The following SLC34A2 variants were observed in gnomAD, a reference collection of about 807,000 sequenced individuals.
The protein encoded by SLC34A2 is solute carrier family 34 member 2.
In SLC34A2, 41 loss-of-function variants were observed where a neutral mutation model predicts 50.8. That is an observed-to-expected ratio of 0.81 (90% CI 0.63 to 1.05). The LOEUF (loss-of-function observed/expected upper bound fraction) is 1.05. Among genes scored for constraint, SLC34A2 ranks in the 50% least tolerant of loss-of-function variants. The probability of loss-of-function intolerance (pLI) is 0.00; values close to 1 mark genes in which losing one functional copy is unlikely to be tolerated. For synonymous variants in SLC34A2, 401 were observed against 364.2 expected (o/e 1.10, Z -1.15); for missense variants, 879 against 876.7 (o/e 1.00, Z -0.03).
chr4:25,662,676 T>G (rs756576632), intron 2 of SLC34A2, 29 bp from the exon 3 acceptor site: 1 of 1,614,100 alleles, frequency 6.2e-7, no homozygotes, highest in Non-Finnish European at 8.5e-7. Context: ...TCAGGTCTGA[T>G]TCCTCATTAC....
Position 25,677,745 on chromosome 4 carries a change from T to C in SLC34A2, c.*996T>C, listed in dbSNP as rs867333301. ...GGAGTATCTGCACCTGGAATAGCTC[T>C]CCACCCCTCTCTGCCTCCTTACTTT... On this transcript the variant is annotated 3_prime_UTR_variant, in exon 13 of 13. Coordinates refer to ENST00000382051, the MANE Select transcript of SLC34A2 (RefSeq NM_006424.3). The C allele has an allele frequency of 6.6e-6, 1 of 152,218 alleles. No homozygotes were observed. Among genetic ancestry groups the C allele is most frequent in the Non-Finnish European group, 1.5e-5 (1 of 68,062 alleles). The allele number at this position is 152,218 out of a possible 1,614,324, so 9.4% of individuals were successfully genotyped here.
chr4:25,672,752 A>T (rs1323502468), intron 9 of SLC34A2, among the ~76,000 whole-genome samples: 3 of 151,862 alleles, frequency 2.0e-5, no homozygotes, highest in African/African-American at 4.9e-5. Context: ...CCCTCAAAGC[A>T]TACTTATCAT....
chr4:25,662,735 T>C lies in SLC34A2; in HGVS notation c.143T>C (p.Ile48Thr). Residue 48 changes from isoleucine (I) to threonine (T), a missense_variant, in exon 3 of 13, where the codon ATT becomes ACT. Coordinates refer to ENST00000382051, the MANE Select transcript of SLC34A2 (RefSeq NM_006424.3). The stretch of plus-strand genomic sequence containing the variant: ...AACACTGAGGCACCTGTAACCAAGA[T>C]TGAACTTCTGCCGTCCTACTCCACG... ...TDNTEAPVTK[I>T]ELLPSYSTAT... 2.5e-6 allele frequency: 4 copies of C among 1,614,114 alleles called. No individual in the cohort carries two copies. The highest frequency in any genetic ancestry group is 1.7e-5 in the Admixed American group (1 of 60,018).
rs1715169118 is a variant in SLC34A2 at position 25,676,935 on chromosome 4, C to G, written c.*186C>G. 1.4e-6 allele frequency: 1 copy of G among 703,296 alleles called. No individual in the cohort carries two copies. Among genetic ancestry groups the G allele is most frequent in the Non-Finnish European group, 2.4e-6 (1 of 414,300 alleles). 43.6% of individuals were successfully genotyped at this position (703,296 alleles called of 1,614,324 possible). ...GGTAGGCCTGCAGGGCACTTTTATTCCAACCCCTGGTCACTCAGTAATCTT... is the reference window on the plus strand; with the variant it reads ...GGTAGGCCTGCAGGGCACTTTTATTGCAACCCCTGGTCACTCAGTAATCTT... On this transcript the variant is annotated 3_prime_UTR_variant, in exon 13 of 13. Transcript: ENST00000382051.
intron 9 of SLC34A2, among the ~76,000 whole-genome samples, chr4:25,672,321 A>T (rs2109058710): frequency 6.6e-6 from 1 of 152,330 alleles, no homozygotes; most frequent in Non-Finnish European, 1.5e-5. Flanking sequence ...TTGAAGGAAG[A>T]TGTGGGACCC....
rs752197307 is a variant in SLC34A2 at position 25,670,830 on chromosome 4, C to A, written c.924C>A (p.Asn308Lys). The change falls in exon 8 of 13, where the codon AAC (asparagine) becomes AAA (lysine). Residue 308 changes from asparagine to lysine, a missense_variant. Physicochemically the swap from Asn to Lys is moderately conservative, Grantham distance 94 (BLOSUM62 0). Transcript: ENST00000382051. ...LVKIWCKTFT[N>K]KTQINVTVPS... ...AGATTTGGTGCAAAACTTTTACCAA[C>A]AAGGTACGTTTCCAAGAATATTCCC... The A allele has an allele frequency of 2.0e-5, 32 of 1,612,570 alleles. No individual in the cohort carries two copies. The highest frequency in any genetic ancestry group is 2.6e-5 in the Non-Finnish European group (31 of 1,178,728).
rs747607173 is a variant in SLC34A2, at chr4:25,673,157, G to C, written c.1119G>C (p.Leu373=). 1 of 1,614,092 alleles carries C rather than the reference G, an allele frequency of 6.2e-7. No homozygotes were observed. The highest frequency in any genetic ancestry group is 8.5e-7 in the Non-Finnish European group (1 of 1,180,028). Residue 373 remains leucine, a synonymous_variant, in exon 10 of 13, where the codon CTG becomes CTC. Coordinates refer to ENST00000382051, the MANE Select transcript of SLC34A2 (RefSeq NM_006424.3). ...AVGTILLILS[L]LVLCGCLIMI... ...GCACCATCTTGCTCATACTCTCCCT[G>C]CTGGTCCTCTGTGGTTGCCTGATCA... is the stretch of plus-strand genomic sequence containing the variant.
chr4:25,664,877 C>A (rs1292206907), intron 4 of SLC34A2: 1 of 233,612 alleles, frequency 4.3e-6, no homozygotes, highest in Non-Finnish European at 8.4e-6. Context: ...ATGTCAGAAA[C>A]AAACAAGCAG....
Position 25,676,838 on chromosome 4 carries a change from C to T in SLC34A2, c.*89C>T, listed in dbSNP as rs16877426. On this transcript the variant is annotated 3_prime_UTR_variant, in exon 13 of 13. Coordinates refer to ENST00000382051, the MANE Select transcript of SLC34A2 (RefSeq NM_006424.3). ...CCACTTCTGCACCCTTTCACCACCT[C>T]GAGGAGATTTGCTCCCCATTAGCGA... 3,401 of 1,572,954 alleles carry T rather than the reference C, an allele frequency of 2.2e-3. 54 individuals are homozygous for T. The African/African-American group carries it at 0.038, about 18-fold the overall frequency.
intron 12 of SLC34A2, among the ~76,000 whole-genome samples, chr4:25,675,894 G>A (rs1438509327): frequency 6.6e-6 from 1 of 152,230 alleles, no homozygotes; most frequent in Non-Finnish European, 1.5e-5. Flanking sequence ...TTGCCACTCT[G>A]TAGAGTGTTT....
In SLC34A2 at chr4:25,667,969, GGAGATCGGAGT is replaced by G. The variant is rs1462105015; in HGVS notation, c.617_627del (p.Asp206ValfsTer12). 1.2e-6 allele frequency: 2 copies of G among 1,612,694 alleles called. No individual in the cohort carries two copies. The highest frequency in any genetic ancestry group is 1.1e-5 in the South Asian group (1 of 91,024). On this transcript the variant is annotated frameshift_variant, in exon 6 of 13. Transcript: ENST00000382051. LOFTEE classifies it high-confidence loss of function. The stretch of plus-strand genomic sequence containing the variant: ...CACTATTGTTGCGCTCATGCAGGTG[GGAGATCGGAGT>G]GAGTTCAGAAGGTAAGAGGCTCAAA...
intron 9 of SLC34A2, 84 bp downstream of exon 9, chr4:25,671,805 A>G: frequency 6.3e-7 from 1 of 1,598,228 alleles, no homozygotes; most frequent in Non-Finnish European, 8.6e-7. Context: ...CCAGTAAGTG[A>G]AGGAAAGGAC....
rs1169951350 is a variant in SLC34A2 at position 25,667,902 on chromosome 4, C to T, written c.546C>T (p.Ile182=). The change falls in exon 6 of 13, where the codon ATC becomes ATT. Residue 182 remains isoleucine (I), a synonymous_variant. Coordinates refer to ENST00000382051, the MANE Select transcript of SLC34A2 (RefSeq NM_006424.3). ...SSSLLTVRAA[I]PIIMGANIGT... is the part of the protein sequence containing the mutation. ...TAGTGCTCACTGTTCGGGCTGCCAT[C>T]CCCATTATCATGGGGGCCAACATTG... The T allele has an allele frequency of 4.3e-6, 7 of 1,613,254 alleles. No individual in the cohort carries two copies. Among genetic ancestry groups the T allele is most frequent in the Non-Finnish European group, 5.9e-6 (7 of 1,179,224 alleles).
At chr4:25,673,394 A>T in intron 10 of SLC34A2, 140 bp downstream of exon 10, 1 of 886,288 alleles carries the variant, frequency 1.1e-6, no homozygotes, top group Non-Finnish European at 1.8e-6. Context: ...TGAGGATGTC[A>T]TTCACCTGGA....
At chr4:25,669,205 G>A (rs1560238659) in intron 6 of SLC34A2, among the ~76,000 whole-genome samples, 1 of 152,152 alleles carries the variant, frequency 6.6e-6, no homozygotes, top group Non-Finnish European at 1.5e-5. Context: ...CATAGAATGT[G>A]TAGTGATCAA....
At chr4:25,662,915 C>T (rs1318059792) in intron 3 of SLC34A2, 73 bp downstream of exon 3, 1 of 1,549,464 alleles carries the variant, frequency 6.5e-7, no homozygotes, top group Non-Finnish European at 8.9e-7. Context: ...TCCTCCTGTC[C>T]CTCCCCCTTT....
intron 7 of SLC34A2, among the ~76,000 whole-genome samples, chr4:25,670,055 T>C (rs1454358013): frequency 6.6e-6 from 1 of 152,090 alleles, no homozygotes; most frequent in South Asian, 2.1e-4. Context: ...TAACCCTGTC[T>C]ATACTAAAAT....
At chr4:25,672,464 T>A (rs1714869435) in intron 9 of SLC34A2, among the ~76,000 whole-genome samples, 1 of 152,178 alleles carries the variant, frequency 6.6e-6, no homozygotes, top group Non-Finnish European at 1.5e-5. Flanking sequence ...TGTAATGTTT[T>A]TTCCAACCCA....
chr4:25,676,045 A>T, intron 12 of SLC34A2, 90 bp from the exon 13 acceptor site: 1 of 1,565,896 alleles, frequency 6.4e-7, no homozygotes, highest in Non-Finnish European at 8.6e-7. Flanking sequence ...GCTGCCTGTG[A>T]TGCCTGCTAG....
Sources: gnomAD v4.1 joint callset for allele counts (sites outside exome capture counted in the v4.1 genomes callset) on GRCh38, gnomAD v4.1.1 for gene constraint, MANE v1.5 for transcripts, NCBI Gene and HGNC (gene_info 2026-07-23, HGNC 2026-07-21) for gene names.